CDH6: variants seen among roughly 807,000 people sequenced by gnomAD.
CDH6 encodes the protein cadherin-6.
Under a neutral mutation model 78.0 loss-of-function variants are expected in CDH6, and 31 were observed. That is an observed-to-expected ratio of 0.40 (90% CI 0.30 to 0.54). The LOEUF (loss-of-function observed/expected upper bound fraction) is 0.54. CDH6 is among the 20% of genes least tolerant of loss of function. CDH6 has a pLI of 0.56. For synonymous variants in CDH6, 376 were observed against 368.8 expected (o/e 1.02, Z -0.23); for missense variants, 724 against 975.9 (o/e 0.74, Z 3.44).
chr5:31,233,786 C>CA (rs1331549701), intron 1 of CDH6, among the ~76,000 whole-genome samples: 3 of 152,136 alleles, frequency 2.0e-5, no homozygotes, highest in African/African-American at 7.2e-5. Context: ...ATAAAACACC[C>CA]ACCGCCTCAC....
At chr5:31,241,050 G>A (rs1381132851) in intron 1 of CDH6, among the ~76,000 whole-genome samples, 1 of 152,208 alleles carries the variant, frequency 6.6e-6, no homozygotes, top group African/African-American at 2.4e-5. Flanking sequence ...CTGGATTGGG[G>A]AGAGATTGTT....
At chr5:31,220,847 G>A (rs936210674) in intron 1 of CDH6, among the ~76,000 whole-genome samples, 2 of 152,182 alleles carry the variant, frequency 1.3e-5, no homozygotes, top group Non-Finnish European at 2.9e-5. Flanking sequence ...GTCCCAGGAA[G>A]AGGGGTCAGC....
chr5:31,246,214 C>G (rs1294153598), intron 1 of CDH6, among the ~76,000 whole-genome samples: 1 of 152,024 alleles, frequency 6.6e-6, no homozygotes, highest in African/African-American at 2.4e-5. Flanking sequence ...CCAGCCTTAA[C>G]ATTTTCTTAA....
rs763390520 is a variant in CDH6 at position 31,305,444 on chromosome 5, G to A, written c.1253+17G>A. The stretch of plus-strand genomic sequence containing the variant: ...TCCTGTCAAGTAAGCACACTTCTGC[G>A]ACATGTCTCTTTCATAAGCTTCAGT... On this transcript the variant is annotated intron_variant, in intron 7 of 11. Coordinates refer to ENST00000265071, the MANE Select transcript of CDH6 (RefSeq NM_004932.4). 1.7e-5 allele frequency: 27 copies of A among 1,600,322 alleles called. No individual in the cohort carries two copies. The highest frequency in any genetic ancestry group is 4.5e-5 in the South Asian group (4 of 89,366).
intron 1 of CDH6, among the ~76,000 whole-genome samples, chr5:31,239,227 G>C (rs939892557): frequency 6.6e-6 from 1 of 152,296 alleles, no homozygotes; most frequent in East Asian, 1.9e-4. Flanking sequence ...ATTGTGTCCA[G>C]CCTTCTTATT....
In CDH6 at chr5:31,302,965, A is replaced by AGG. The variant is rs1561066625; in HGVS notation, c.999+667_999+668insGG. Among the ~76,000 whole-genome samples, 220 of 42,590 alleles carry AGG rather than the reference A, an allele frequency of 5.2e-3. 1 individual carries two copies. Among genetic ancestry groups the AGG allele is most frequent in the African/African-American group, 9.4e-3 (210 of 22,372 alleles). The allele number at this position is 42,590 out of a possible 152,430, so 27.9% of individuals were successfully genotyped here. Reference sequence around the variant, plus strand: ...AAAGAAAGAAAGAAAGAAGGAAAGAAAAGAAAGAAAGAAAGAAAGAAAACC... The same window carrying AGG: ...AAAGAAAGAAAGAAAGAAGGAAAGAAGGAAGAAAGAAAGAAAGAAAGAAAACC... On this transcript the variant is annotated intron_variant, in intron 6 of 11. Transcript: ENST00000265071.
intron 1 of CDH6, among the ~76,000 whole-genome samples, chr5:31,211,451 T>C (rs1292398050): frequency 1.3e-5 from 2 of 152,208 alleles, no homozygotes; most frequent in African/African-American, 4.8e-5. Context: ...TTCTTTTTTC[T>C]TTCTTACTAT....
chr5:31,249,853 G>A lies in CDH6; in HGVS notation c.-128-17493G>A, dbSNP rs1000993254. The A allele has an allele frequency of 2.0e-5, 3 of 152,336 alleles. No individual in the cohort carries two copies. In the South Asian group the frequency reaches 6.2e-4, roughly 31 times the overall value. 9.4% of individuals were successfully genotyped at this position (152,336 alleles called of 1,614,324 possible). ...AGGTGACCCTTCCCACTAGGGATTG[G>A]ACCAACACTTCACGCAGCTTTCTTC... On this transcript the variant is annotated intron_variant, in intron 1 of 11. Coordinates refer to ENST00000265071, the MANE Select transcript of CDH6 (RefSeq NM_004932.4).
chr5:31,263,801 T>C (rs1302202136), intron 1 of CDH6, among the ~76,000 whole-genome samples: 1 of 152,216 alleles, frequency 6.6e-6, no homozygotes, highest in African/African-American at 2.4e-5. Flanking sequence ...ATATCATTCA[T>C]TTTAACTTAT....
At chr5:31,225,662 G>A (rs1376940938) in intron 1 of CDH6, among the ~76,000 whole-genome samples, 1 of 152,144 alleles carries the variant, frequency 6.6e-6, no homozygotes, top group Non-Finnish European at 1.5e-5. Flanking sequence ...TAACTGTCAT[G>A]AGAACAGCAA....
chr5:31,219,758 T>C (rs1740959126), intron 1 of CDH6, among the ~76,000 whole-genome samples: 1 of 152,198 alleles, frequency 6.6e-6, no homozygotes, highest in Non-Finnish European at 1.5e-5. Context: ...CCTAGAACAA[T>C]GCATGGGACA....
chr5:31,298,937 C>T (rs1737680488), intron 4 of CDH6, among the ~76,000 whole-genome samples: 1 of 152,082 alleles, frequency 6.6e-6, no homozygotes, highest in Admixed American at 6.6e-5. Context: ...CATAGTTTTA[C>T]AATTTAGAAA....
chr5:31,317,966 G>T, intron 11 of CDH6, 42 bp downstream of exon 11: 1 of 1,601,724 alleles, frequency 6.2e-7, no homozygotes, highest in Non-Finnish European at 8.5e-7. Flanking sequence ...CATGGTGAGG[G>T]GCTCACACTG....
chr5:31,293,005 A>G (rs1737453942), intron 2 of CDH6, among the ~76,000 whole-genome samples: 2 of 152,082 alleles, frequency 1.3e-5, no homozygotes, highest in African/African-American at 2.4e-5. Context: ...CACTGTGGAT[A>G]TAATCTCTGG....
chr5:31,316,353 T>G, intron 9 of CDH6, 24 bp downstream of exon 9: 1 of 1,597,176 alleles, frequency 6.3e-7, no homozygotes, highest in South Asian at 1.1e-5. Context: ...AAAAGTATAT[T>G]CAAGTTGAAC....
intron 2 of CDH6, among the ~76,000 whole-genome samples, chr5:31,270,011 A>G (rs1424693251): frequency 6.6e-6 from 1 of 152,238 alleles, no homozygotes; most frequent in Non-Finnish European, 1.5e-5. Context: ...AAGTTATATG[A>G]TATAAACAGA....
intron 2 of CDH6, among the ~76,000 whole-genome samples, chr5:31,273,885 T>C (rs1478078578): frequency 6.6e-6 from 1 of 152,218 alleles, no homozygotes; most frequent in Non-Finnish European, 1.5e-5. Flanking sequence ...GATATGCAAT[T>C]AGTGATCTTT....
chr5:31,206,057 C>T lies in CDH6; in HGVS notation c.-129+12171C>T, dbSNP rs965912854. The stretch of plus-strand genomic sequence containing the variant: ...AATTCAATCGTGGCACCCTTGAGAA[C>T]CCACATTGTTTGAACTGTTGCATTC... On this transcript the variant is annotated intron_variant, in intron 1 of 11. Coordinates refer to ENST00000265071, the MANE Select transcript of CDH6 (RefSeq NM_004932.4). 3.3e-5 allele frequency among the ~76,000 whole-genome samples: 5 copies of T among 152,044 alleles called. No homozygotes were observed. In the East Asian group the frequency reaches 9.6e-4, roughly 29 times the overall value.
intron 1 of CDH6, among the ~76,000 whole-genome samples, chr5:31,195,835 A>G (rs1187591024): frequency 6.6e-6 from 1 of 152,234 alleles, no homozygotes; most frequent in African/African-American, 2.4e-5. Context: ...ACCTAATGTA[A>G]TGGTTCATGC....
Sources: gnomAD v4.1 joint callset for allele counts (sites outside exome capture counted in the v4.1 genomes callset) on GRCh38, gnomAD v4.1.1 for gene constraint, MANE v1.5 for transcripts, NCBI Gene and HGNC (gene_info 2026-07-23, HGNC 2026-07-21) for gene names.